Variants in RANBP17 observed in about 807,000 individuals in gnomAD.
The protein encoded by RANBP17 is ran-binding protein 17.
In RANBP17, 158 loss-of-function variants were observed where a neutral mutation model predicts 141.2. The ratio of observed to expected loss-of-function variants is 1.12; its 90% CI spans 0.98 to 1.28. The LOEUF is 1.28. RANBP17 is among the 50% of genes most tolerant of loss of function. The probability of loss-of-function intolerance (pLI) is 0.00; values close to 1 mark genes in which losing one functional copy is unlikely to be tolerated. For missense variants in RANBP17, 1,438 were observed against 1,290.7 expected (o/e 1.11, Z -1.75); for synonymous variants, 430 against 450.0 (o/e 0.96, Z 0.56).
intron 12 of RANBP17, among the ~76,000 whole-genome samples, chr5:170,950,529 A>G (rs1775128617): frequency 6.6e-6 from 1 of 152,180 alleles, no homozygotes; most frequent in African/African-American, 2.4e-5. Context: ...TCAAAACCGC[A>G]GTGAGATGCC....
chr5:171,060,090 T>C (rs1340194576), intron 14 of RANBP17, among the ~76,000 whole-genome samples: 1 of 65,104 alleles, frequency 1.5e-5, no homozygotes, highest in Non-Finnish European at 3.1e-5. Flanking sequence ...TTTCTAGATA[T>C]ACAATCATGT....
At chr5:171,184,058 T>C (rs967657956) in intron 18 of RANBP17, among the ~76,000 whole-genome samples, 1 of 152,174 alleles carries the variant, frequency 6.6e-6, no homozygotes, top group Non-Finnish European at 1.5e-5. Context: ...CCATTGTGAA[T>C]AACAGTGTAG....
chr5:170,963,233 T>A (rs1267669308), intron 13 of RANBP17, among the ~76,000 whole-genome samples: 1 of 152,148 alleles, frequency 6.6e-6, no homozygotes, highest in Non-Finnish European at 1.5e-5. Flanking sequence ...CAAAAGATAG[T>A]CTGTACAGGA....
intron 1 of RANBP17, among the ~76,000 whole-genome samples, chr5:170,875,782 G>A (rs1768128188): frequency 6.6e-6 from 1 of 152,108 alleles, no homozygotes; most frequent in African/African-American, 2.4e-5. Context: ...CCAATTCTCT[G>A]CCCTTCCTGG....
At chr5:170,995,353 A>G (rs1194980679) in intron 14 of RANBP17, among the ~76,000 whole-genome samples, 1 of 152,082 alleles carries the variant, frequency 6.6e-6, no homozygotes, top group East Asian at 1.9e-4. Context: ...TTTACTTTCA[A>G]AGTAAATTGT....
intron 5 of RANBP17, among the ~76,000 whole-genome samples, chr5:170,898,688 A>T (rs1770349389): frequency 1.3e-5 from 2 of 152,078 alleles, no homozygotes; most frequent in Admixed American, 1.3e-4. Flanking sequence ...TCTTGAGTTA[A>T]TTTTTGTATA....
intron 3 of RANBP17, among the ~76,000 whole-genome samples, chr5:170,885,556 T>G: frequency 6.6e-6 from 1 of 152,214 alleles, no homozygotes; most frequent in East Asian, 1.9e-4. Flanking sequence ...GCTAAAAGTT[T>G]AGAGTAGTTG....
At chr5:170,916,823 C>T (rs550896933) in intron 9 of RANBP17, among the ~76,000 whole-genome samples, 1 of 150,448 alleles carries the variant, frequency 6.6e-6, no homozygotes, top group East Asian at 2.0e-4. Flanking sequence ...TCGAGTGATT[C>T]TTCTGCCTCA....
chr5:171,160,776 A>G (rs1473761131), intron 14 of RANBP17, among the ~76,000 whole-genome samples: 1 of 152,072 alleles, frequency 6.6e-6, no homozygotes, highest in African/African-American at 2.4e-5. Flanking sequence ...TTCATGGGAA[A>G]CAGTACTAAG....
At chr5:170,968,553 A>G in intron 14 of RANBP17, 176 bp downstream of exon 14, 1 of 664,528 alleles carries the variant, frequency 1.5e-6, no homozygotes, top group Non-Finnish European at 2.7e-6. Flanking sequence ...TACCTAGTTT[A>G]CCATTTTCTT....
chr5:170,978,072 G>C (rs575137450), intron 14 of RANBP17, among the ~76,000 whole-genome samples: 218 of 152,018 alleles, frequency 1.4e-3, no homozygotes, highest in Admixed American at 2.9e-3. Context: ...ACTGAAAAAA[G>C]GTATCTAAAT....
At chr5:171,100,518 A>G (rs192282042) in intron 14 of RANBP17, among the ~76,000 whole-genome samples, 31 of 152,182 alleles carry the variant, frequency 2.0e-4, no homozygotes, top group Non-Finnish European at 4.4e-4. Flanking sequence ...CTAGCAGTCT[A>G]TCTATTTTGT....
chr5:171,050,463 T>C (rs1039490061), intron 14 of RANBP17, among the ~76,000 whole-genome samples: 10 of 152,350 alleles, frequency 6.6e-5, no homozygotes, highest in African/African-American at 2.4e-4. Flanking sequence ...GGCTCACATC[T>C]TTAATCCCAG....
intron 12 of RANBP17, among the ~76,000 whole-genome samples, chr5:170,938,027 CTCTGAT>C (rs1774025571): frequency 6.6e-6 from 1 of 152,106 alleles, no homozygotes; most frequent in Non-Finnish European, 1.5e-5. Flanking sequence ...CTCCTCTGCT[CTCTGAT>C]TCTGTGTCTC....
intron 26 of RANBP17, 26 bp from the exon 27 acceptor site, chr5:171,295,861 T>C: frequency 1.2e-6 from 2 of 1,609,884 alleles, no homozygotes; most frequent in Non-Finnish European, 1.7e-6. Flanking sequence ...GAGTCGGAGC[T>C]CTGACACTAT....
chr5:171,066,998 A>G (rs755776570), intron 14 of RANBP17, among the ~76,000 whole-genome samples: 1 of 152,170 alleles, frequency 6.6e-6, no homozygotes, highest in African/African-American at 2.4e-5. Context: ...ATCTATTTAC[A>G]TTAAAAATAT....
chr5:170,962,146 A>AT (rs1776198372), intron 13 of RANBP17, among the ~76,000 whole-genome samples: 1 of 152,188 alleles, frequency 6.6e-6, no homozygotes, highest in Non-Finnish European at 1.5e-5. Context: ...ACTACCCTGG[A>AT]TTTTTGCTTG....
chr5:171,042,826 C>T (rs1310561401), intron 14 of RANBP17, among the ~76,000 whole-genome samples: 1 of 152,044 alleles, frequency 6.6e-6, no homozygotes, highest in East Asian at 1.9e-4. Flanking sequence ...TACGGATAGG[C>T]TCCTACTCTT....
At chr5:171,124,222 A>G (rs1299515776) in intron 14 of RANBP17, among the ~76,000 whole-genome samples, 1 of 152,098 alleles carries the variant, frequency 6.6e-6, no homozygotes, top group Admixed American at 6.5e-5. Flanking sequence ...AAATGCAGTC[A>G]AGAGCTTCAG....
Sources: gnomAD v4.1 joint callset for allele counts (sites outside exome capture counted in the v4.1 genomes callset) on GRCh38, gnomAD v4.1.1 for gene constraint, MANE v1.5 for transcripts, NCBI Gene and HGNC (gene_info 2026-07-23, HGNC 2026-07-21) for gene names.